GMPPB: variants seen among roughly 807,000 people sequenced by gnomAD.
GMPPB encodes the protein GDP-mannose pyrophosphorylase B.
In GMPPB, 38 loss-of-function variants were observed where a neutral mutation model predicts 40.3. That is an observed-to-expected ratio of 0.94 (90% CI 0.73 to 1.24). The LOEUF is 1.24. GMPPB is among the 50% of genes most tolerant of loss of function. The pLI is 0.00. For synonymous variants in GMPPB, 193 were observed against 191.8 expected (o/e 1.01, Z -0.05); for missense variants, 436 against 487.1 (o/e 0.90, Z 0.99).
rs1575290400 is a variant in GMPPB, at chr3:49,720,368, T to G, written c.*1384A>C. On this transcript the variant is annotated 3_prime_UTR_variant, in exon 9 of 9. Transcript: ENST00000308388. ...TGGCACCTTACTAGAATACAGGACT[T>G]GGGGTTTGGGAAGCAGGGAGACGGA... 1 of 755,020 alleles carries G rather than the reference T, an allele frequency of 1.3e-6. No individual in the cohort carries two copies. The highest frequency in any genetic ancestry group is 1.9e-6 in the Non-Finnish European group (1 of 513,150). The allele number at this position is 755,020 out of a possible 1,614,324, so 46.8% of individuals were successfully genotyped here.
rs775910135 is a variant in GMPPB, at chr3:49,721,978, C to A, written c.938G>T (p.Arg313Leu). The change falls in exon 8 of 9, where the codon CGC becomes CTC. Residue 313 changes from arginine to leucine, a missense_variant. Coordinates refer to ENST00000308388, the MANE Select transcript of GMPPB (RefSeq NM_021971.4). ...LESCIVGWRC[R>L]VGQWVRMENV... ...CCACAGGCTTACCCACTGACCCACG[C>A]GGCAGCGCCAGCCCACAATGCAGGA... 12 of 1,613,440 alleles carry A rather than the reference C, an allele frequency of 7.4e-6. No individual in the cohort carries two copies. The highest frequency in any genetic ancestry group is 1.0e-5 in the Non-Finnish European group (12 of 1,179,954).
At position 49,723,435 on chromosome 3, in the gene GMPPB, A is replaced by T. The variant is rs2080455946; in HGVS notation, c.167T>A (p.Met56Lys). The change falls in exon 2 of 9, where the codon ATG (methionine) becomes AAG (lysine). Residue 56 changes from methionine (M) to lysine (K), a missense_variant. Transcript: ENST00000308388. ...CATTTCCTTCTCCAGCACCTGCGAC[A>T]TGTAGCTCACGGCCAGGATCACGTG... is the stretch of plus-strand genomic sequence containing the variant. ...VDHVILAVSY[M>K]SQVLEKEMKA... 1 of 1,614,090 alleles carries T rather than the reference A, an allele frequency of 6.2e-7. No individual in the cohort carries two copies. Among genetic ancestry groups the T allele is most frequent in the East Asian group, 2.2e-5 (1 of 44,874 alleles).
At chr3:49,722,177 C>A in intron 7 of GMPPB, 30 bp from the exon 8 acceptor site, 1 of 1,606,218 alleles carries the variant, frequency 6.2e-7, no homozygotes, top group Admixed American at 1.7e-5. Context: ...TACAAGTGGG[C>A]CACTTGTCTC....
Position 49,721,573 on chromosome 3 carries a change from G to A in GMPPB, c.*179C>T, listed in dbSNP as rs2080409087. On this transcript the variant is annotated 3_prime_UTR_variant, in exon 9 of 9. Coordinates refer to ENST00000308388, the MANE Select transcript of GMPPB (RefSeq NM_021971.4). ...CTTGAGGGAGTGGGGTTTGTGGGGTGTGCCCAGCAGGGATCCTGCCAGATG... is the reference window on the plus strand; with the variant it reads ...CTTGAGGGAGTGGGGTTTGTGGGGTATGCCCAGCAGGGATCCTGCCAGATG... The A allele has an allele frequency of 2.5e-6, 2 of 804,874 alleles. No homozygotes were observed. The highest frequency in any genetic ancestry group is 2.0e-5 in the Admixed American group (1 of 50,046). 49.9% of individuals were successfully genotyped at this position (804,874 alleles called of 1,614,324 possible).
At position 49,722,269 on chromosome 3, in the gene GMPPB, G is replaced by A; in HGVS notation, c.730C>T (p.Leu244=). 3 of 1,613,904 alleles carry A rather than the reference G, an allele frequency of 1.9e-6. No homozygotes were observed. The highest frequency in any genetic ancestry group is 2.5e-6 in the Non-Finnish European group (3 of 1,179,936). The change falls in exon 7 of 9, where the codon CTG becomes TTG. Residue 244 remains leucine (L), a synonymous_variant. Coordinates refer to ENST00000308388, the MANE Select transcript of GMPPB (RefSeq NM_021971.4). ...QSLRQKQPER[L]CSGPGIVGNV... ...CCCACAATGCCAGGGCCTGAGCACA[G>A]CCGCTCAGGCTGCTTCTGCCTCAGT...
In GMPPB at chr3:49,720,901, G is replaced by A. The variant is rs536870131; in HGVS notation, c.*851C>T. 1.2e-6 allele frequency: 2 copies of A among 1,613,984 alleles called. No individual in the cohort carries two copies. Among genetic ancestry groups the A allele is most frequent in the South Asian group, 1.1e-5 (1 of 91,070 alleles). The stretch of plus-strand genomic sequence containing the variant: ...GGCAGCAGCTGCCTCCCTGGTGAGT[G>A]GGAACACGGTGCACAGGTCCATGCC... On this transcript the variant is annotated 3_prime_UTR_variant, in exon 9 of 9. Coordinates refer to ENST00000308388, the MANE Select transcript of GMPPB (RefSeq NM_021971.4).
Position 49,720,710 on chromosome 3 carries a change from C to T in GMPPB, c.*1042G>A. 1.2e-6 allele frequency: 2 copies of T among 1,604,170 alleles called. No homozygotes were observed. The highest frequency in any genetic ancestry group is 2.2e-5 in the South Asian group (2 of 90,756). ...TCTGGGGCTGGGTCGGGTCAGGAGC[C>T]TTAAGAACAGCAAAGTCCTAGGCTG... On this transcript the variant is annotated 3_prime_UTR_variant, in exon 9 of 9. Coordinates refer to ENST00000308388, the MANE Select transcript of GMPPB (RefSeq NM_021971.4).
chr3:49,723,833 C>T lies in GMPPB; in HGVS notation c.-107G>A, dbSNP rs2080463504. On this transcript the variant is annotated 5_prime_UTR_variant, in exon 1 of 9. Coordinates refer to ENST00000308388, the MANE Select transcript of GMPPB (RefSeq NM_021971.4). ...ACGCCGTGCCCGGCCCCGCGCCCTT[C>T]ACCAACCCGCCTGACAGACTCTGGC... 11 of 1,308,782 alleles carry T rather than the reference C, an allele frequency of 8.4e-6. No homozygotes were observed. In the South Asian group the frequency reaches 1.1e-4, roughly 13 times the overall value. The allele number at this position is 1,308,782 out of a possible 1,614,324, so 81.1% of individuals were successfully genotyped here.
Position 49,720,481 on chromosome 3 carries a change from C to T in GMPPB, c.*1271G>A, listed in dbSNP as rs2080378224. ...GACTTTTAGCCAGGCCCCAAGCCTTCTGACTGCCCTTGCACCCTCCCCTAC... is the reference window on the plus strand; with the variant it reads ...GACTTTTAGCCAGGCCCCAAGCCTTTTGACTGCCCTTGCACCCTCCCCTAC... On this transcript the variant is annotated 3_prime_UTR_variant, in exon 9 of 9. Coordinates refer to ENST00000308388, the MANE Select transcript of GMPPB (RefSeq NM_021971.4). 1.3e-6 allele frequency: 2 copies of T among 1,519,240 alleles called. No homozygotes were observed. The highest frequency in any genetic ancestry group is 4.6e-5 in the East Asian group (2 of 43,890). The allele number at this position is 1,519,240 out of a possible 1,614,324, so 94.1% of individuals were successfully genotyped here.
At position 49,720,347 on chromosome 3, in the gene GMPPB, A is replaced by C; in HGVS notation, c.*1405T>G. ...AAAAAAAAAAAACAGGCTGTGTGGCACCTTACTAGAATACAGGACTTGGGG... is the reference window on the plus strand; with the variant it reads ...AAAAAAAAAAAACAGGCTGTGTGGCCCCTTACTAGAATACAGGACTTGGGG... On this transcript the variant is annotated 3_prime_UTR_variant, in exon 9 of 9. Coordinates refer to ENST00000308388, the MANE Select transcript of GMPPB (RefSeq NM_021971.4). 1 of 544,176 alleles carries C rather than the reference A, an allele frequency of 1.8e-6. No homozygotes were observed. The highest frequency in any genetic ancestry group is 2.9e-6 in the Non-Finnish European group (1 of 342,760). The allele number at this position is 544,176 out of a possible 1,614,324, so 33.7% of individuals were successfully genotyped here.
rs1461351842 is a variant in GMPPB, at chr3:49,723,922, A to C, written c.-196T>G. ...GGGCCGCCACAACACAGAACGCGAC[A>C]CCGGGTAGACGGCTGCTGGCCCCGA... is the stretch of plus-strand genomic sequence containing the variant. On this transcript the variant is annotated 5_prime_UTR_variant, in exon 1 of 9. Transcript: ENST00000308388. The C allele has an allele frequency of 3.7e-6, 2 of 544,988 alleles. No individual in the cohort carries two copies. The highest frequency in any genetic ancestry group is 4.0e-5 in the African/African-American group (2 of 50,210). The allele number at this position is 544,988 out of a possible 1,614,324, so 33.8% of individuals were successfully genotyped here. A position where few individuals can be genotyped will look rare whatever the true frequency, so the allele number is the denominator to read the frequency against.
chr3:49,720,725 G>C lies in GMPPB; in HGVS notation c.*1027C>G, dbSNP rs1319701128. On this transcript the variant is annotated 3_prime_UTR_variant, in exon 9 of 9. Coordinates refer to ENST00000308388, the MANE Select transcript of GMPPB (RefSeq NM_021971.4). ...GGTCAGGAGCCTTAAGAACAGCAAA[G>C]TCCTAGGCTGGGAATATTCAAGAGG... is the stretch of plus-strand genomic sequence containing the variant. The C allele has an allele frequency of 5.0e-6, 8 of 1,610,084 alleles. No individual in the cohort carries two copies. The highest frequency in any genetic ancestry group is 6.8e-6 in the Non-Finnish European group (8 of 1,176,732).
At position 49,723,943 on chromosome 3, in the gene GMPPB, C is replaced by T. The variant is rs918771208; in HGVS notation, c.-217G>A. On this transcript the variant is annotated 5_prime_UTR_variant, in exon 1 of 9. Coordinates refer to ENST00000308388, the MANE Select transcript of GMPPB (RefSeq NM_021971.4). ...CGACACCGGGTAGACGGCTGCTGGC[C>T]CCGAACTCAGGCCGGACCCGGCGCG... 1.5e-5 allele frequency: 7 copies of T among 472,588 alleles called. No homozygotes were observed. The highest frequency in any genetic ancestry group is 2.2e-5 in the Non-Finnish European group (6 of 273,148). The allele number at this position is 472,588 out of a possible 1,614,324, so 29.3% of individuals were successfully genotyped here.
rs1406274011 is a variant in GMPPB, at chr3:49,723,934, G to T, written c.-208C>A. On this transcript the variant is annotated 5_prime_UTR_variant, in exon 1 of 9. Coordinates refer to ENST00000308388, the MANE Select transcript of GMPPB (RefSeq NM_021971.4). ...CACAGAACGCGACACCGGGTAGACG[G>T]CTGCTGGCCCCGAACTCAGGCCGGA... 1 of 498,950 alleles carries T rather than the reference G, an allele frequency of 2.0e-6. No homozygotes were observed. The highest frequency in any genetic ancestry group is 3.4e-5 in the East Asian group (1 of 29,142). 30.9% of individuals were successfully genotyped at this position (498,950 alleles called of 1,614,324 possible).
Position 49,723,588 on chromosome 3 carries a change from A to C in GMPPB, c.129+10T>G, listed in dbSNP as rs1301819236. ...CCGAACGCGACTCTGATCCCGACCC[A>C]GGGTCTTACCGCGGCTAGCGCCTCC... On this transcript the variant is annotated intron_variant, in intron 1 of 8. Transcript: ENST00000308388. 2 of 1,598,914 alleles carry C rather than the reference A, an allele frequency of 1.3e-6. No homozygotes were observed. Among genetic ancestry groups the C allele is most frequent in the Non-Finnish European group, 1.7e-6 (2 of 1,171,482 alleles).
Position 49,721,103 on chromosome 3 carries a change from CAAGT to C in GMPPB, c.*645_*648del. 1.9e-6 allele frequency: 3 copies of C among 1,613,860 alleles called. No individual in the cohort carries two copies. The highest frequency in any genetic ancestry group is 2.5e-6 in the Non-Finnish European group (3 of 1,179,830). On this transcript the variant is annotated 3_prime_UTR_variant, in exon 9 of 9. Transcript: ENST00000308388. ...TCCAGCCCTGTGGCCACAAGTCCTG[CAAGT>C]AAGTGGGCCCCACAGCTTGGTGGTG...
chr3:49,720,512 A>G lies in GMPPB; in HGVS notation c.*1240T>C. On this transcript the variant is annotated 3_prime_UTR_variant, in exon 9 of 9. Transcript: ENST00000308388. The stretch of plus-strand genomic sequence containing the variant: ...GCCCTTGCACCCTCCCCTACCTAGG[A>G]GAGAGCAAGCCACATCAGTGCTCCT... 6.3e-7 allele frequency: 1 copy of G among 1,578,920 alleles called. No homozygotes were observed. Among genetic ancestry groups the G allele is most frequent in the Non-Finnish European group, 8.6e-7 (1 of 1,161,240 alleles).
chr3:49,721,485 CT>C lies in GMPPB; in HGVS notation c.*266del. 2.2e-6 allele frequency: 2 copies of C among 928,018 alleles called. No individual in the cohort carries two copies. The highest frequency in any genetic ancestry group is 2.6e-5 in the South Asian group (2 of 76,178). 57.5% of individuals were successfully genotyped at this position (928,018 alleles called of 1,614,324 possible). A position where few individuals can be genotyped will look rare whatever the true frequency, so the allele number is the denominator to read the frequency against. On this transcript the variant is annotated 3_prime_UTR_variant, in exon 9 of 9. Coordinates refer to ENST00000308388, the MANE Select transcript of GMPPB (RefSeq NM_021971.4). ...TGGCCCTAATTGTGCCTGAGCTTGA[CT>C]TTCAGTCAGGGCCACAGTGAGCATT...
chr3:49,723,377 G>C lies in GMPPB; in HGVS notation c.210+15C>G. On this transcript the variant is annotated intron_variant, in intron 2 of 8. Transcript: ENST00000308388. Reference sequence around the variant, plus strand: ...GGCGGGGACCGAGAATAAGGGCCAAGAGTCTGTGCCTCACCCTCTGCTCCT... The same window carrying C: ...GGCGGGGACCGAGAATAAGGGCCAACAGTCTGTGCCTCACCCTCTGCTCCT... 1 of 1,614,108 alleles carries C rather than the reference G, an allele frequency of 6.2e-7. No individual in the cohort carries two copies. The highest frequency in any genetic ancestry group is 8.5e-7 in the Non-Finnish European group (1 of 1,179,956).
Sources: allele counts gnomAD v4.1 joint callset, GRCh38; gene constraint gnomAD v4.1.1; transcripts MANE v1.5; gene names NCBI Gene and HGNC (gene_info 2026-07-23, HGNC 2026-07-21).